TNRC6C: variants seen among roughly 807,000 people sequenced by gnomAD.
The protein encoded by TNRC6C is trinucleotide repeat-containing gene 6C protein.
In TNRC6C, 20 loss-of-function variants were observed where a neutral mutation model predicts 153.7. The observed-to-expected ratio is 0.13, with a 90% CI of 0.09 to 0.19. TNRC6C has a LOEUF of 0.19. TNRC6C is among the 10% of genes least tolerant of loss of function. The pLI is 1.00. For missense variants in TNRC6C, 1,987 were observed against 2,172.0 expected (o/e 0.91, Z 1.69); for synonymous variants, 811 against 841.4 (o/e 0.96, Z 0.63).
chr17:77,968,724 C>G (rs1212822123), intron 1 of TNRC6C, among the ~76,000 whole-genome samples: 2 of 152,142 alleles, frequency 1.3e-5, no homozygotes, highest in Non-Finnish European at 2.9e-5. Context: ...GATCTTAAGT[C>G]TTCAGAAAAT....
intron 1 of TNRC6C, among the ~76,000 whole-genome samples, chr17:78,006,712 C>A (rs1012865470): frequency 6.6e-6 from 1 of 151,810 alleles, no homozygotes; most frequent in African/African-American, 2.4e-5. Context: ...CAAGTAGTAA[C>A]AAATTGCTTA....
At chr17:78,012,180 G>T (rs538591614) in intron 1 of TNRC6C, 1 of 152,238 alleles carries the variant, frequency 6.6e-6, no homozygotes, top group South Asian at 2.1e-4. Context: ...CATAACCAAA[G>T]ATTACATTAA....
At chr17:78,073,292 G>A (rs986814183) in intron 7 of TNRC6C, among the ~76,000 whole-genome samples, 198 bp downstream of exon 9, 2 of 152,208 alleles carry the variant, frequency 1.3e-5, no homozygotes, top group Non-Finnish European at 2.9e-5. Context: ...GAGGTGAATC[G>A]CCAATGCCAT....
At chr17:78,023,069 T>G (rs1341497721) in intron 1 of TNRC6C, among the ~76,000 whole-genome samples, 2 of 152,062 alleles carry the variant, frequency 1.3e-5, no homozygotes, top group South Asian at 2.1e-4. Flanking sequence ...GAGGAACACT[T>G]AAGCTCAGGA....
chr17:78,021,256 T>C (rs541823422), intron 1 of TNRC6C, among the ~76,000 whole-genome samples: 1 of 152,244 alleles, frequency 6.6e-6, no homozygotes, highest in Admixed American at 6.5e-5. Flanking sequence ...GGCTGGAGAA[T>C]GAGTACAAAG....
intron 3 of TNRC6C, among the ~76,000 whole-genome samples, chr17:78,056,132 G>A (rs2072649134): frequency 6.6e-6 from 1 of 151,330 alleles, no homozygotes; most frequent in African/African-American, 2.4e-5. Flanking sequence ...TCATAGGTGT[G>A]AGCCACCATG....
intron 2 of TNRC6C, among the ~76,000 whole-genome samples, chr17:78,037,467 A>G (rs2072202272): frequency 6.6e-6 from 1 of 152,210 alleles, no homozygotes; most frequent in Non-Finnish European, 1.5e-5. Context: ...GGGAAGGACA[A>G]CTAACCCAGA....
chr17:78,067,655 A>G, intron 4 of TNRC6C, 102 bp from the exon 7 acceptor site: 2 of 1,278,700 alleles, frequency 1.6e-6, no homozygotes, highest in Non-Finnish European at 2.1e-6. Context: ...GTAGATTACA[A>G]TGCATCATTT....
intron 1 of TNRC6C, among the ~76,000 whole-genome samples, chr17:77,998,305 GTATAGTTT>G (rs1240689240): frequency 6.6e-6 from 1 of 152,176 alleles, no homozygotes; most frequent in Non-Finnish European, 1.5e-5. Context: ...TTATATCCAA[GTATAGTTT>G]TCTTTGAGTT....
chr17:78,073,232 CACA>C, intron 7 of TNRC6C, 138 bp downstream of exon 9: 1 of 608,606 alleles, frequency 1.6e-6, no homozygotes, highest in Middle Eastern at 2.7e-4. Flanking sequence ...GGGGCAACCA[CACA>C]ACAAGCTGGA....
chr17:78,054,166 T>C (rs944849332), intron 3 of TNRC6C, among the ~76,000 whole-genome samples: 2 of 152,148 alleles, frequency 1.3e-5, no homozygotes, highest in South Asian at 2.1e-4. Context: ...CATTAAAATA[T>C]GGTATAAAAT....
In TNRC6C at chr17:78,017,536, C is replaced by T. The variant is rs564041499; in HGVS notation, c.-546+12457C>T. Reference sequence around the variant, plus strand: ...GCTTAGGTAACCCATGACTGCACAGCTGTTCAGCTCACCATGGGTTAACAA... The same window carrying T: ...GCTTAGGTAACCCATGACTGCACAGTTGTTCAGCTCACCATGGGTTAACAA... On this transcript the variant is annotated intron_variant, in intron 1 of 19. Coordinates refer to ENST00000301624, the Ensembl canonical transcript of TNRC6C. Among the ~76,000 whole-genome samples, 38 of 152,334 alleles carry T rather than the reference C, an allele frequency of 2.5e-4. No individual in the cohort carries two copies. In the South Asian group the frequency reaches 5.6e-3, roughly 22 times the overall value.
At chr17:78,001,421 G>C (rs1009436456), upstream of TNRC6C, among the ~76,000 whole-genome samples, 2 of 152,196 alleles carry the variant, frequency 1.3e-5, no homozygotes, top group African/African-American at 4.8e-5. Context: ...AGCAGAGCTG[G>C]ATAGGACAGC....
At chr17:77,969,790 C>T (rs1300071064) in intron 1 of TNRC6C, among the ~76,000 whole-genome samples, 4 of 151,814 alleles carry the variant, frequency 2.6e-5, no homozygotes, top group Non-Finnish European at 2.9e-5. Context: ...CCTGCCATAG[C>T]AGCAAATTTT....
intron 1 of TNRC6C, among the ~76,000 whole-genome samples, chr17:77,989,960 A>G (rs1056706969): frequency 6.6e-6 from 1 of 152,114 alleles, no homozygotes; most frequent in Non-Finnish European, 1.5e-5. Context: ...CTTTCCTGTG[A>G]ACTCTGGAAT....
chr17:78,050,991 C>T, exon 3 of TNRC6C: 1 of 1,613,878 alleles, frequency 6.2e-7, no homozygotes, highest in Non-Finnish European at 8.5e-7. Context: ...GCTGGGGCAA[C>T]AGCACAAATA....
intron 3 of TNRC6C, among the ~76,000 whole-genome samples, chr17:78,057,827 G>T (rs774560447): frequency 1.3e-5 from 2 of 151,304 alleles, no homozygotes; most frequent in African/African-American, 2.4e-5. Context: ...TTACATTTTT[G>T]TGTGTGTGTG....
chr17:77,960,425 G>A (rs531107877), intron 1 of TNRC6C, among the ~76,000 whole-genome samples: 53 of 152,266 alleles, frequency 3.5e-4, no homozygotes, highest in Non-Finnish European at 7.1e-4. Context: ...TGAGAGCCTC[G>A]TACGTCCCTG....
At chr17:78,056,022 CTT>C (rs1319177021) in intron 3 of TNRC6C, among the ~76,000 whole-genome samples, 6 of 152,120 alleles carry the variant, frequency 3.9e-5, no homozygotes, top group Non-Finnish European at 8.8e-5. Flanking sequence ...TCCTTAGAAA[CTT>C]TTTCTTTTAG....
Sources: allele counts gnomAD v4.1 joint callset (sites outside exome capture counted in the v4.1 genomes callset), GRCh38; gene constraint gnomAD v4.1.1; transcripts MANE v1.5; gene names NCBI Gene and HGNC (gene_info 2026-07-23, HGNC 2026-07-21).